Variants in ZSWIM6 observed in about 807,000 individuals in gnomAD.
ZSWIM6 encodes zinc finger SWIM domain-containing protein 6.
In ZSWIM6, 9 loss-of-function variants were observed where a neutral mutation model predicts 113.2. That is an observed-to-expected ratio of 0.08 (90% CI 0.05 to 0.14). The LOEUF (loss-of-function observed/expected upper bound fraction) is 0.14. Among genes scored for constraint, ZSWIM6 ranks in the 10% least tolerant of loss-of-function variants. The pLI, the probability that ZSWIM6 is intolerant of heterozygous loss-of-function variation, is 1.00. For synonymous variants in ZSWIM6, 611 were observed against 606.5 expected, an observed-to-expected ratio of 1.01 and a Z score of -0.11; for missense variants, 1,162 against 1,552.2, an observed-to-expected ratio of 0.75 and a Z score of 4.22.
chr5:61,392,541 CAT>C (rs1217542223), intron 1 of ZSWIM6, among the ~76,000 whole-genome samples: 1 of 152,196 alleles, frequency 6.6e-6, no homozygotes, highest in Admixed American at 6.5e-5. Flanking sequence ...CATACCAAAA[CAT>C]ACACACGTGC....
chr5:61,449,471 C>G (rs1335610966), intron 1 of ZSWIM6, among the ~76,000 whole-genome samples: 1 of 152,178 alleles, frequency 6.6e-6, no homozygotes, highest in African/African-American at 2.4e-5. Flanking sequence ...CTCAAGCAGT[C>G]TTCCTGCCTC....
Position 61,499,773 on chromosome 5 carries a change from G to A in ZSWIM6, c.1333+5363G>A, listed in dbSNP as rs562876194. 5.3e-5 allele frequency among the ~76,000 whole-genome samples: 8 copies of A among 152,218 alleles called. No homozygotes were observed. The South Asian group carries it at 1.5e-3, about 28-fold the overall frequency. ...CTGTTCTGTATTGTTGCTTAAAAGC[G>A]GAGAAGAGGGAGATGGTAGACAGGT... On this transcript the variant is annotated intron_variant, in intron 4 of 13. Transcript: ENST00000252744.
intron 1 of ZSWIM6, among the ~76,000 whole-genome samples, chr5:61,347,992 C>G (rs532965540): frequency 4.6e-5 from 7 of 152,178 alleles, no homozygotes; most frequent in African/African-American, 1.7e-4. Context: ...GAGGCTGAGG[C>G]GGGTGGATCA....
intron 1 of ZSWIM6, among the ~76,000 whole-genome samples, chr5:61,468,223 A>G (rs913552373): frequency 2.6e-5 from 4 of 152,202 alleles, no homozygotes; most frequent in African/African-American, 4.8e-5. Context: ...ACCAAAGTCT[A>G]TTCCCAAGGA....
At chr5:61,380,200 C>T (rs541209796) in intron 1 of ZSWIM6, among the ~76,000 whole-genome samples, 13 of 152,104 alleles carry the variant, frequency 8.5e-5, no homozygotes, top group Admixed American at 3.3e-4. Flanking sequence ...CTCAGCATCC[C>T]GAGTAGCTGG....
intron 2 of ZSWIM6, among the ~76,000 whole-genome samples, chr5:61,477,583 A>G (rs1747738806): frequency 6.6e-6 from 1 of 152,228 alleles, no homozygotes; most frequent in South Asian, 2.1e-4. Context: ...ACCAAGACCA[A>G]GAATTCCATT....
chr5:61,356,738 ATTAT>A (rs1286647559), intron 1 of ZSWIM6, among the ~76,000 whole-genome samples: 6 of 137,244 alleles, frequency 4.4e-5, no homozygotes, highest in Non-Finnish European at 9.2e-5. Context: ...TATAATATAT[ATTAT>A]ATATATATAT....
At position 61,472,510 on chromosome 5, in the gene ZSWIM6, T is replaced by C. The variant is rs1561251605; in HGVS notation, c.677-171T>C. On this transcript the variant is annotated intron_variant, in intron 1 of 13. Coordinates refer to ENST00000252744, the MANE Select transcript of ZSWIM6 (RefSeq NM_020928.2). The surrounding 1 kb of genome is among the most constrained non-coding windows in gnomAD (Gnocchi z 4.1). ...ATTTATTTATTTTTCTTTTTTTACCTGTAAGGGGGTGGTGGTAGTGGTTAG... is the reference window on the plus strand; with the variant it reads ...ATTTATTTATTTTTCTTTTTTTACCCGTAAGGGGGTGGTGGTAGTGGTTAG... 6.6e-6 allele frequency among the ~76,000 whole-genome samples: 1 copy of C among 152,204 alleles called. No homozygotes were observed. Among genetic ancestry groups the C allele is most frequent in the Non-Finnish European group, 1.5e-5 (1 of 68,032 alleles).
intron 4 of ZSWIM6, among the ~76,000 whole-genome samples, chr5:61,500,443 T>A (rs1047200995): frequency 1.3e-5 from 2 of 152,030 alleles, no homozygotes; most frequent in African/African-American, 4.8e-5. Context: ...TGTTAAACAC[T>A]ATTATATGCC....
At chr5:61,495,366 A>G (rs909941772) in intron 4 of ZSWIM6, among the ~76,000 whole-genome samples, 6 of 152,176 alleles carry the variant, frequency 3.9e-5, no homozygotes, top group Non-Finnish European at 7.4e-5. Context: ...CTTCCACAAC[A>G]TGACACTGTG....
chr5:61,518,695 G>C (rs896996061), intron 4 of ZSWIM6, among the ~76,000 whole-genome samples: 2 of 151,880 alleles, frequency 1.3e-5, no homozygotes, highest in Non-Finnish European at 2.9e-5. Flanking sequence ...TTAGCCCTTT[G>C]TCAGATGAGT....
intron 4 of ZSWIM6, among the ~76,000 whole-genome samples, chr5:61,497,718 ATGT>A (rs1748360565): frequency 1.3e-5 from 2 of 152,180 alleles, no homozygotes; most frequent in Admixed American, 6.5e-5. Flanking sequence ...AAGATGAGTA[ATGT>A]TGTATCATAA....
chr5:61,519,447 A>G (rs752251371), intron 4 of ZSWIM6, among the ~76,000 whole-genome samples: 8 of 152,198 alleles, frequency 5.3e-5, no homozygotes, highest in Non-Finnish European at 1.0e-4. Flanking sequence ...AAGGGGAAAC[A>G]TAATGGCAAG....
At chr5:61,354,166 A>T (rs1744849648) in intron 1 of ZSWIM6, among the ~76,000 whole-genome samples, 1 of 152,112 alleles carries the variant, frequency 6.6e-6, no homozygotes, top group African/African-American at 2.4e-5. Flanking sequence ...CATCGTACTT[A>T]TCCCTGCTCA....
chr5:61,516,654 G>A (rs1295133186), intron 4 of ZSWIM6, among the ~76,000 whole-genome samples: 4 of 151,050 alleles, frequency 2.6e-5, no homozygotes, highest in African/African-American at 9.7e-5. Context: ...TCCACAAAAT[G>A]GTGCTTAAAT....
At chr5:61,444,168 A>G (rs1000965285) in intron 1 of ZSWIM6, among the ~76,000 whole-genome samples, 7 of 137,830 alleles carry the variant, frequency 5.1e-5, no homozygotes, top group African/African-American at 1.1e-4. Flanking sequence ...TCATTGTTCA[A>G]TTCCCACCTA....
At chr5:61,469,706 A>G (rs1424440470) in intron 1 of ZSWIM6, among the ~76,000 whole-genome samples, 1 of 150,368 alleles carries the variant, frequency 6.7e-6, no homozygotes, top group Non-Finnish European at 1.5e-5. Flanking sequence ...CCTCCCCCCA[A>G]CCTTTTTTTT....
intron 9 of ZSWIM6, among the ~76,000 whole-genome samples, chr5:61,531,937 G>A (rs1749446622): frequency 6.6e-6 from 1 of 152,112 alleles, no homozygotes; most frequent in African/African-American, 2.4e-5. Flanking sequence ...TGATTTAGGT[G>A]GTTATATATG....
chr5:61,525,778 T>C, intron 5 of ZSWIM6, 22 bp from the exon 6 acceptor site: 4 of 1,551,126 alleles, frequency 2.6e-6, no homozygotes, highest in Non-Finnish European at 3.5e-6. Context: ...TGACACGGCT[T>C]TCTGAATTGT....
Sources: allele counts gnomAD v4.1 joint callset (sites outside exome capture counted in the v4.1 genomes callset), GRCh38; gene constraint gnomAD v4.1.1; non-coding constraint Gnocchi (gnomAD v3.1); transcripts MANE v1.5; gene names NCBI Gene and HGNC (gene_info 2026-07-23, HGNC 2026-07-21).